Variants in CACNA1I observed in about 807,000 individuals in gnomAD.
CACNA1I encodes voltage-dependent T-type calcium channel subunit alpha-1I.
Under a neutral mutation model 201.6 loss-of-function variants are expected in CACNA1I, and 74 were observed. The ratio of observed to expected loss-of-function variants is 0.37; its 90% confidence interval spans 0.30 to 0.45. The LOEUF is 0.45. CACNA1I is among the 20% of genes least tolerant of loss of function. The probability of loss-of-function intolerance (pLI) is 1.00; values close to 1 mark genes in which losing one functional copy is unlikely to be tolerated. For missense variants in CACNA1I, 2,346 were observed against 3,138.1 expected (o/e 0.75, Z 6.03); for synonymous variants, 1,431 against 1,345.2 (o/e 1.06, Z -1.40).
In CACNA1I at chr22:39,659,128, C is replaced by T; in HGVS notation, c.2330+12C>T. 4 of 1,611,228 alleles carry T rather than the reference C, an allele frequency of 2.5e-6. No individual in the cohort carries two copies. Among genetic ancestry groups the T allele is most frequent in the Non-Finnish European group, 3.4e-6 (4 of 1,179,412 alleles). ...ATCTTCATCTTCAGGTGAGCCTGCCCTGCTGGGGGCCATACCTCAGCACCT... is the reference window on the plus strand; with the variant it reads ...ATCTTCATCTTCAGGTGAGCCTGCCTTGCTGGGGGCCATACCTCAGCACCT... On this transcript the variant is annotated intron_variant, in intron 12 of 36. Transcript: ENST00000402142. The surrounding 1 kb of genome is among the most constrained non-coding windows in gnomAD (Gnocchi z 4.3).
chr22:39,665,415 G>A lies in CACNA1I; in HGVS notation c.3852-83G>A. ...GGGGACTCATGCCCTGGGATACTCA[G>A]CCCTGGTGACTCTGGGCTGAGTAGG... On this transcript the variant is annotated intron_variant, in intron 21 of 36. Transcript: ENST00000402142. The surrounding 1 kb of genome is among the most constrained non-coding windows in gnomAD (Gnocchi z 5.5). 2 of 1,546,424 alleles carry A rather than the reference G, an allele frequency of 1.3e-6. No homozygotes were observed. Among genetic ancestry groups the A allele is most frequent in the East Asian group, 2.3e-5 (1 of 44,166 alleles).
intron 1 of CACNA1I, among the ~76,000 whole-genome samples, chr22:39,594,074 G>A (rs575332380): frequency 4.6e-5 from 7 of 152,286 alleles, no homozygotes; most frequent in South Asian, 2.1e-4. Flanking sequence ...GAGACAGGCC[G>A]TACTTCACAG....
At chr22:39,678,223 ATGCAGGGCACGGAGGAGTGGAGGGGCC>A (rs925027908) in intron 31 of CACNA1I, 115 bp downstream of exon 31, 150 of 1,249,710 alleles carry the variant, frequency 1.2e-4, no homozygotes, top group Admixed American at 1.1e-4. Context: ...TGGGAGGGGC[ATGCAGGGCACGGAGGAGTGGAGGGGCC>A]TGCCCAGGAC....
chr22:39,650,006 C>T, intron 10 of CACNA1I, 81 bp downstream of exon 10: 1 of 1,452,950 alleles, frequency 6.9e-7, no homozygotes, highest in East Asian at 2.3e-5. Context: ...GCAGCCCCAT[C>T]CATCTGCCTG....
At chr22:39,646,928 G>A in intron 8 of CACNA1I, 47 bp downstream of exon 8, 3 of 1,449,694 alleles carry the variant, frequency 2.1e-6, no homozygotes, top group South Asian at 2.9e-5. Context: ...TTCGTGCCAA[G>A]TGTCACTCCT....
At chr22:39,627,118 G>A (rs1024766807) in intron 4 of CACNA1I, among the ~76,000 whole-genome samples, 1 of 152,144 alleles carries the variant, frequency 6.6e-6, no homozygotes, top group Non-Finnish European at 1.5e-5. Context: ...GTAGGCGCCA[G>A]ACACCCACTC....
chr22:39,639,338 T>C (rs1934297133), intron 5 of CACNA1I, among the ~76,000 whole-genome samples: 1 of 152,246 alleles, frequency 6.6e-6, no homozygotes, highest in Non-Finnish European at 1.5e-5. Context: ...AAATTTTACA[T>C]TAGTATGTAG....
intron 14 of CACNA1I, 110 bp from the exon 15 acceptor site, chr22:39,660,234 T>A: frequency 1.3e-6 from 1 of 758,582 alleles, no homozygotes; most frequent in Non-Finnish European, 2.2e-6. Flanking sequence ...AAACCTCAGT[T>A]TTCCCATTTG....
chr22:39,635,544 G>A (rs73885295), intron 5 of CACNA1I, among the ~76,000 whole-genome samples: 1 of 152,208 alleles, frequency 6.6e-6, no homozygotes, highest in South Asian at 2.1e-4. Flanking sequence ...GAGGGTGAAA[G>A]TTGGGTAGGA....
intron 10 of CACNA1I, among the ~76,000 whole-genome samples, chr22:39,650,574 C>T (rs1298204605): frequency 2.0e-5 from 3 of 152,226 alleles, no homozygotes; most frequent in Non-Finnish European, 4.4e-5. Context: ...AGGACAAAAT[C>T]CAGACCTTTG....
At chr22:39,589,817 A>G (rs1601798598) in intron 1 of CACNA1I, among the ~76,000 whole-genome samples, 1 of 151,426 alleles carries the variant, frequency 6.6e-6, no homozygotes, top group African/African-American at 2.4e-5. Flanking sequence ...CACCTTCCCT[A>G]CCTCCCCGAT....
intron 1 of CACNA1I, among the ~76,000 whole-genome samples, chr22:39,589,726 G>C (rs1299438890): frequency 6.6e-6 from 1 of 152,146 alleles, no homozygotes; most frequent in African/African-American, 2.4e-5. Context: ...CTCAGGCCTG[G>C]AGGGCCTGAG....
In CACNA1I at chr22:39,689,376, C is replaced by T. The variant is rs1488687584; in HGVS notation, c.*2971C>T. ...GCTCAGAGCCTTCCGCTTCCAGGGC[C>T]AACCCCAGCCCCGTTTGCTGCGTTG... is the stretch of plus-strand genomic sequence containing the variant. On this transcript the variant is annotated 3_prime_UTR_variant, in exon 37 of 37. Transcript: ENST00000402142. 6.5e-6 allele frequency: 1 copy of T among 152,822 alleles called. No individual in the cohort carries two copies. The highest frequency in any genetic ancestry group is 1.5e-5 in the Non-Finnish European group (1 of 68,132). 9.5% of individuals were successfully genotyped at this position (152,822 alleles called of 1,614,324 possible). A position where few individuals can be genotyped will look rare whatever the true frequency, so the allele number is the denominator to read the frequency against.
intron 1 of CACNA1I, among the ~76,000 whole-genome samples, chr22:39,593,488 G>C (rs1932846222): frequency 6.6e-6 from 1 of 152,238 alleles, no homozygotes; most frequent in African/African-American, 2.4e-5. Flanking sequence ...TGCGAACTGG[G>C]CTCTGAAACA....
chr22:39,616,484 G>T (rs772373314), intron 3 of CACNA1I, among the ~76,000 whole-genome samples: 3 of 152,014 alleles, frequency 2.0e-5, no homozygotes, highest in Non-Finnish European at 4.4e-5. Context: ...CTCTTTGTCG[G>T]CTGGGCACGG....
intron 1 of CACNA1I, among the ~76,000 whole-genome samples, chr22:39,583,293 C>T (rs1932640066): frequency 6.6e-6 from 1 of 151,946 alleles, no homozygotes; most frequent in African/African-American, 2.4e-5. Flanking sequence ...ACCCTCCAAC[C>T]ACTCATCCAT....
chr22:39,681,413 G>A (rs956734410), intron 34 of CACNA1I, among the ~76,000 whole-genome samples: 6 of 152,126 alleles, frequency 3.9e-5, no homozygotes, highest in African/African-American at 1.2e-4. Context: ...TGCTATGTGC[G>A]GGGGCGGTCG....
chr22:39,622,147 A>G (rs556632095), intron 4 of CACNA1I, among the ~76,000 whole-genome samples: 1 of 152,250 alleles, frequency 6.6e-6, no homozygotes, highest in South Asian at 2.1e-4. Context: ...TGGCCTCCGT[A>G]CACTCAGCAC....
At chr22:39,643,089 A>C (rs1569076450) in intron 7 of CACNA1I, among the ~76,000 whole-genome samples, 200 bp downstream of exon 7, 1 of 152,152 alleles carries the variant, frequency 6.6e-6, no homozygotes. Flanking sequence ...TGTCGGGAGC[A>C]TCCAACACCT....
Sources: gnomAD v4.1 joint callset for allele counts (sites outside exome capture counted in the v4.1 genomes callset) on GRCh38, gnomAD v4.1.1 for gene constraint, Gnocchi (gnomAD v3.1) non-coding constraint, MANE v1.5 for transcripts, NCBI Gene and HGNC (gene_info 2026-07-23, HGNC 2026-07-21) for gene names.